FAM193B: variants seen among roughly 807,000 people sequenced by gnomAD.
FAM193B encodes family with sequence similarity 193 member B.
A neutral mutation model predicts 70.7 loss-of-function variants in FAM193B; 27 were observed. The observed-to-expected ratio is 0.38, with a 90% CI of 0.28 to 0.53. The LOEUF (loss-of-function observed/expected upper bound fraction) is 0.53. FAM193B is among the 20% of genes least tolerant of loss of function. FAM193B has a pLI of 0.81. For synonymous variants in FAM193B, 448 were observed against 436.0 expected (o/e 1.03, Z -0.34); for missense variants, 1,022 against 1,072.5 (o/e 0.95, Z 0.66).
In FAM193B at chr5:177,532,053, T is replaced by C; in HGVS notation, c.1275+390A>G. On this transcript the variant is annotated intron_variant, in intron 5 of 8. Transcript: ENST00000514747. The surrounding 1 kb of genome is among the most constrained non-coding windows in gnomAD (Gnocchi z 4.9). ...GCCGTCTGTGCTCACGGCCTGTCCC[T>C]CGGCTGGCTGTCACACTTGGGGGAC... 1.5e-6 allele frequency: 2 copies of C among 1,293,906 alleles called. No individual in the cohort carries two copies. The highest frequency in any genetic ancestry group is 2.0e-6 in the Non-Finnish European group (2 of 992,092). 80.2% of individuals were successfully genotyped at this position (1,293,906 alleles called of 1,614,324 possible).
Position 177,538,501 on chromosome 5 carries a change from G to C in FAM193B, c.454-394C>G, listed in dbSNP as rs1764455134. ...GAAATGAGGAAAGTCTGGCCATCGTGATTCATGAAACAGCAGACTTAGATG... is the reference window on the plus strand; with the variant it reads ...GAAATGAGGAAAGTCTGGCCATCGTCATTCATGAAACAGCAGACTTAGATG... On this transcript the variant is annotated intron_variant, in intron 2 of 8. Transcript: ENST00000514747. This position sits in a 1 kb window ranked among gnomAD's most constrained non-coding sequence, Gnocchi z 4.1. Among the ~76,000 whole-genome samples, 1 of 152,214 alleles carries C rather than the reference G, an allele frequency of 6.6e-6. No homozygotes were observed. The highest frequency in any genetic ancestry group is 2.1e-4 in the South Asian group (1 of 4,830).
intron 1 of FAM193B, chr5:177,553,561 G>C (rs952509236): frequency 8.8e-7 from 1 of 1,138,320 alleles, no homozygotes; most frequent in Non-Finnish European, 1.1e-6. Context: ...GGAAGCTTTG[G>C]GGAATCCTCC....
chr5:177,546,553 A>G (rs1343910729), intron 1 of FAM193B, among the ~76,000 whole-genome samples: 1 of 152,248 alleles, frequency 6.6e-6, no homozygotes, highest in Non-Finnish European at 1.5e-5. Context: ...AGTCACTCTG[A>G]GCCACTGATG....
At chr5:177,531,672 C>T in intron 5 of FAM193B, 2 of 731,222 alleles carry the variant, frequency 2.7e-6, no homozygotes, top group South Asian at 3.7e-5. Context: ...CCCTCTCAGC[C>T]AGGCTGAATC....
At position 177,554,489 on chromosome 5, in the gene FAM193B, A is replaced by ACGCCGCGGCGCCGCCGCCGCCGCCGC. The variant is rs561538268; in HGVS notation, c.-32_-31insGCGGCGGCGGCGGCGGCGCCGCGGCG. ...CGCTCGCGCCGCTCCCTCGCTCCAC[A>ACGCCGCGGCGCCGCCGCCGCCGCCGC]CGCCGCCGCCGCCGCCGCCGCCGCC... On this transcript the variant is annotated 5_prime_UTR_variant, in exon 1 of 9. Coordinates refer to ENST00000514747, the MANE Select transcript of FAM193B (RefSeq NM_001190946.3). The ACGCCGCGGCGCCGCCGCCGCCGCCGC allele has an allele frequency of 1.7e-6, 1 of 601,182 alleles. No individual in the cohort carries two copies. The highest frequency in any genetic ancestry group is 2.3e-5 in the African/African-American group (1 of 42,606). 37.2% of individuals were successfully genotyped at this position (601,182 alleles called of 1,614,324 possible).
At position 177,538,082 on chromosome 5, in the gene FAM193B, T is replaced by A. The variant is rs1764394843; in HGVS notation, c.479A>T (p.Lys160Ile). ...VAISLSHTSC[K>I]SQSCGDDSHS... is the part of the protein sequence containing the mutation. The stretch of plus-strand genomic sequence containing the variant: ...AGAGTCATCTCCACAAGACTGTGAT[T>A]TGCAGGATGTGTGTGACAAGGAGAT... Residue 160 changes from lysine (K) to isoleucine (I), a missense_variant, in exon 3 of 9, where the codon AAA (lysine) becomes ATA (isoleucine). Transcript: ENST00000514747. The surrounding 1 kb of genome is among the most constrained non-coding windows in gnomAD (Gnocchi z 4.1). The A allele has an allele frequency of 6.5e-7, 1 of 1,547,052 alleles. No individual in the cohort carries two copies. The highest frequency in any genetic ancestry group is 1.2e-5 in the South Asian group (1 of 83,958).
chr5:177,527,423 C>A (rs1471475386), intron 5 of FAM193B, among the ~76,000 whole-genome samples: 1 of 152,148 alleles, frequency 6.6e-6, no homozygotes, highest in Non-Finnish European at 1.5e-5. Flanking sequence ...GAGCGGTGGA[C>A]TGGTCTGAGC....
chr5:177,525,882 G>A (rs987588441), intron 5 of FAM193B, among the ~76,000 whole-genome samples: 1 of 152,244 alleles, frequency 6.6e-6, no homozygotes, highest in Non-Finnish European at 1.5e-5. Flanking sequence ...TGACAGATCT[G>A]GATCTAGGGA....
In FAM193B at chr5:177,538,480, T is replaced by C. The variant is rs978146544; in HGVS notation, c.454-373A>G. ...GGAAGATCTGCAGCGACGTGAGAAA[T>C]GAGGAAAGTCTGGCCATCGTGATTC... On this transcript the variant is annotated intron_variant, in intron 2 of 8. Transcript: ENST00000514747. The surrounding 1 kb of genome is among the most constrained non-coding windows in gnomAD (Gnocchi z 4.1). 2.0e-5 allele frequency among the ~76,000 whole-genome samples: 3 copies of C among 152,106 alleles called. No homozygotes were observed. Among genetic ancestry groups the C allele is most frequent in the African/African-American group, 7.2e-5 (3 of 41,406 alleles).
intron 4 of FAM193B, among the ~76,000 whole-genome samples, chr5:177,534,445 C>A (rs555198035): frequency 1.3e-5 from 2 of 151,852 alleles, no homozygotes; most frequent in South Asian, 2.1e-4. Context: ...TACAGACACA[C>A]GCCACCATGC....
intron 4 of FAM193B, among the ~76,000 whole-genome samples, chr5:177,533,155 C>T (rs985980219): frequency 1.3e-5 from 2 of 152,172 alleles, no homozygotes; most frequent in Non-Finnish European, 2.9e-5. Flanking sequence ...AGTCTCCTTT[C>T]ACTTTCTAAG....
chr5:177,549,591 A>G (rs1765930520), intron 1 of FAM193B, among the ~76,000 whole-genome samples: 1 of 152,250 alleles, frequency 6.6e-6, no homozygotes, highest in South Asian at 2.1e-4. Flanking sequence ...ATTCAGAGGA[A>G]GCCGATGCTA....
In FAM193B at chr5:177,552,178, A is replaced by G. The variant is rs934504184; in HGVS notation, c.210+2071T>C. The G allele has an allele frequency of 1.9e-5, 12 of 628,226 alleles. No individual in the cohort carries two copies. The East Asian group carries it at 1.3e-3, about 66-fold the overall frequency. The allele number at this position is 628,226 out of a possible 1,614,324, so 38.9% of individuals were successfully genotyped here. On this transcript the variant is annotated intron_variant, in intron 1 of 8. Transcript: ENST00000514747. ...ATTATATCCTCCAGTTTGTTGATCA[A>G]TATTTGTTAACCACCAGGCACAGGG...
At chr5:177,545,771 G>C (rs1407285418) in intron 1 of FAM193B, among the ~76,000 whole-genome samples, 2 of 152,000 alleles carry the variant, frequency 1.3e-5, no homozygotes, top group Non-Finnish European at 2.9e-5. Context: ...AGCTGTCAAG[G>C]ACTACTCTGA....
rs1230181600 is a variant in FAM193B, at chr5:177,536,579, A to G, written c.855T>C (p.Pro285=). 1.4e-6 allele frequency: 2 copies of G among 1,400,232 alleles called. No homozygotes were observed. Among genetic ancestry groups the G allele is most frequent in the Admixed American group, 2.6e-5 (1 of 38,184 alleles). The allele number at this position is 1,400,232 out of a possible 1,614,324, so 86.7% of individuals were successfully genotyped here. The change falls in exon 4 of 9, where the codon CCT becomes CCC. Residue 285 remains proline (P), a synonymous_variant. Transcript: ENST00000514747. ...PHLLPTTPAA[P]FPAQASECPV... ...GGCACTCTGAAGCCTGGGCAGGGAA[A>G]GGTGCTGCCGGGGTGGTGGGCAGCA...
At chr5:177,523,550 G>GC (rs1762100578) in intron 7 of FAM193B, among the ~76,000 whole-genome samples, 1 of 152,198 alleles carries the variant, frequency 6.6e-6, no homozygotes, top group Admixed American at 6.5e-5. Flanking sequence ...CTCCTGGCCA[G>GC]CCCCCACCCC....
intron 3 of FAM193B, among the ~76,000 whole-genome samples, chr5:177,537,073 G>A (rs955352413): frequency 6.6e-6 from 1 of 152,200 alleles, no homozygotes; most frequent in Non-Finnish European, 1.5e-5. Flanking sequence ...CAGGCCTGGA[G>A]GATGATCTGC....
chr5:177,543,885 T>A (rs1220302619), intron 1 of FAM193B, among the ~76,000 whole-genome samples: 4 of 152,240 alleles, frequency 2.6e-5, no homozygotes, highest in Non-Finnish European at 5.9e-5. Context: ...AAGAGATCAG[T>A]AAATGTTCAT....
intron 1 of FAM193B, among the ~76,000 whole-genome samples, chr5:177,551,601 G>A (rs868203520): frequency 6.6e-6 from 1 of 152,162 alleles, no homozygotes; most frequent in Non-Finnish European, 1.5e-5. Flanking sequence ...GTTTAAAAAA[G>A]AGCCCCAAAT....
Sources: gnomAD v4.1 joint callset for allele counts (sites outside exome capture counted in the v4.1 genomes callset) on GRCh38, gnomAD v4.1.1 for gene constraint, Gnocchi (gnomAD v3.1) non-coding constraint, MANE v1.5 for transcripts, NCBI Gene and HGNC (gene_info 2026-07-23, HGNC 2026-07-21) for gene names.